Variants in MAD1L1 observed in about 807,000 individuals in gnomAD.
MAD1L1 encodes mitotic spindle assembly checkpoint protein MAD1.
In MAD1L1, 95 loss-of-function variants were observed where a neutral mutation model predicts 96.9. The ratio of observed to expected loss-of-function variants is 0.98; its 90% confidence interval spans 0.83 to 1.16. The LOEUF (loss-of-function observed/expected upper bound fraction) is 1.16. Ranked by LOEUF, MAD1L1 falls within the 50% of genes most tolerant of loss-of-function variation. The pLI is 0.00. For missense variants in MAD1L1, 1,007 were observed against 954.4 expected (o/e 1.06, Z -0.73); for synonymous variants, 473 against 396.6 (o/e 1.19, Z -2.29).
chr7:2,154,097 A>C (rs983188645), intron 10 of MAD1L1, among the ~76,000 whole-genome samples: 14 of 152,232 alleles, frequency 9.2e-5, no homozygotes, highest in Non-Finnish European at 1.8e-4. Context: ...CAGAGGTTGT[A>C]GTGAGCCAAG....
intron 16 of MAD1L1, among the ~76,000 whole-genome samples, chr7:1,945,560 T>C (rs1261889515): frequency 6.6e-6 from 1 of 151,884 alleles, no homozygotes; most frequent in Non-Finnish European, 1.5e-5. Flanking sequence ...GTGGGAGAGG[T>C]GCTGCTGCTG....
chr7:2,111,456 G>A (rs1787376681), intron 11 of MAD1L1, among the ~76,000 whole-genome samples: 1 of 152,234 alleles, frequency 6.6e-6, no homozygotes, highest in South Asian at 2.1e-4. Context: ...TAAAGTCACC[G>A]GAGAACAGAG....
At chr7:2,221,401 TA>T (rs2115007496) in intron 5 of MAD1L1, among the ~76,000 whole-genome samples, 1 of 152,112 alleles carries the variant, frequency 6.6e-6, no homozygotes, top group Admixed American at 6.5e-5. Context: ...CAGAAGCAGA[TA>T]GGGGAACAGC....
chr7:2,215,445 G>C (rs940593474), intron 9 of MAD1L1, among the ~76,000 whole-genome samples: 11 of 151,962 alleles, frequency 7.2e-5, no homozygotes, highest in African/African-American at 2.7e-4. Flanking sequence ...ATCCAAAACG[G>C]GTCTCCCCGA....
intron 10 of MAD1L1, among the ~76,000 whole-genome samples, chr7:2,162,126 T>C (rs926958812): frequency 3.9e-5 from 6 of 152,114 alleles, no homozygotes; most frequent in African/African-American, 1.4e-4. Flanking sequence ...ATGATGAGGA[T>C]GGCGGTTTTG....
At chr7:1,863,764 C>T (rs767923948) in intron 18 of MAD1L1, among the ~76,000 whole-genome samples, 13 of 152,196 alleles carry the variant, frequency 8.5e-5, no homozygotes, top group Non-Finnish European at 1.6e-4. Flanking sequence ...TCCTGCAGCC[C>T]CGTCAGGCAC....
chr7:1,861,063 G>A (rs1418254160), intron 18 of MAD1L1, among the ~76,000 whole-genome samples: 5 of 152,342 alleles, frequency 3.3e-5, no homozygotes, highest in Non-Finnish European at 7.4e-5. Context: ...AGTCTGTACC[G>A]CACAAGTCCC....
At chr7:2,102,933 G>A (rs1373589624) in intron 11 of MAD1L1, among the ~76,000 whole-genome samples, 2 of 152,204 alleles carry the variant, frequency 1.3e-5, no homozygotes. Context: ...CTCTCCTCAG[G>A]TGTATAAGGC....
At chr7:2,107,242 G>A (rs373579397) in intron 11 of MAD1L1, among the ~76,000 whole-genome samples, 3 of 152,300 alleles carry the variant, frequency 2.0e-5, no homozygotes, top group African/African-American at 4.8e-5. Flanking sequence ...GTGAGGTCTC[G>A]CTGCCGGAGC....
intron 4 of MAD1L1, among the ~76,000 whole-genome samples, 169 bp downstream of exon 4, chr7:2,225,233 ACAGCCCCC>A (rs1793822344): frequency 2.6e-5 from 1 of 38,906 alleles, no homozygotes; most frequent in Non-Finnish European, 8.9e-5. Context: ...GGTACCGTGC[ACAGCCCCC>A]TTGCTCCCAG....
At chr7:2,214,405 C>T (rs775689424) in intron 9 of MAD1L1, among the ~76,000 whole-genome samples, 7 of 152,180 alleles carry the variant, frequency 4.6e-5, no homozygotes, top group East Asian at 1.9e-4. Context: ...GCCACCTCAC[C>T]GTGGGTCACA....
intron 11 of MAD1L1, among the ~76,000 whole-genome samples, chr7:2,136,795 G>A (rs756422298): frequency 7.9e-5 from 12 of 152,326 alleles, no homozygotes; most frequent in South Asian, 2.1e-4. Context: ...TGATGGCACC[G>A]GAGCTGCTCT....
intron 15 of MAD1L1, among the ~76,000 whole-genome samples, chr7:1,970,956 T>C (rs1780376848): frequency 6.6e-6 from 1 of 152,198 alleles, no homozygotes; most frequent in East Asian, 1.9e-4. Flanking sequence ...AATGAATCCC[T>C]TCCATTGTGT....
At chr7:1,839,861 C>T (rs1783148874) in intron 18 of MAD1L1, among the ~76,000 whole-genome samples, 1 of 152,114 alleles carries the variant, frequency 6.6e-6, no homozygotes, top group South Asian at 2.1e-4. Flanking sequence ...AGCCACAGGT[C>T]CACCCACGGC....
intron 12 of MAD1L1, among the ~76,000 whole-genome samples, chr7:2,063,301 G>T (rs946609700): frequency 6.6e-5 from 10 of 152,266 alleles, no homozygotes; most frequent in Non-Finnish European, 1.3e-4. Context: ...GGGCCCCTGG[G>T]AGTCCCTGGC....
chr7:1,885,690 C>A (rs376673569), intron 18 of MAD1L1, among the ~76,000 whole-genome samples: 1 of 152,220 alleles, frequency 6.6e-6, no homozygotes, highest in East Asian at 1.9e-4. Context: ...AAGGTGCCCA[C>A]TCACCTGGCC....
chr7:2,190,874 G>A (rs551988161), intron 10 of MAD1L1, among the ~76,000 whole-genome samples: 5 of 152,248 alleles, frequency 3.3e-5, no homozygotes, highest in Admixed American at 6.5e-5. Context: ...TCTCACACAC[G>A]GGTGGCCAGG....
chr7:2,142,524 G>A lies in MAD1L1; in HGVS notation c.1073+6628C>T, dbSNP rs1373091356. 5.3e-5 allele frequency among the ~76,000 whole-genome samples: 8 copies of A among 152,204 alleles called. No homozygotes were observed. The highest frequency in any genetic ancestry group is 9.7e-5 in the African/African-American group (4 of 41,438). ...CGGGTTCTCTGCTGCCGGACGGAGCGCCCCTAGCTGCCACTGAGCCCACGG... is the reference window on the plus strand; with the variant it reads ...CGGGTTCTCTGCTGCCGGACGGAGCACCCCTAGCTGCCACTGAGCCCACGG... On this transcript the variant is annotated intron_variant, in intron 11 of 18. Transcript: ENST00000265854. The surrounding 1 kb of genome is among the most constrained non-coding windows in gnomAD (Gnocchi z 4.7).
intron 14 of MAD1L1, among the ~76,000 whole-genome samples, chr7:1,990,725 A>G (rs576686232): frequency 4.5e-4 from 69 of 152,060 alleles, no homozygotes; most frequent in African/African-American, 1.5e-3. Flanking sequence ...CCTCACGAGC[A>G]CCGCTGGGTG....
Sources: gnomAD v4.1 joint callset for allele counts (sites outside exome capture counted in the v4.1 genomes callset) on GRCh38, gnomAD v4.1.1 for gene constraint, Gnocchi (gnomAD v3.1) non-coding constraint, MANE v1.5 for transcripts, NCBI Gene and HGNC (gene_info 2026-07-23, HGNC 2026-07-21) for gene names.